Variants in ZC4H2 observed in about 807,000 individuals in gnomAD.
The protein encoded by ZC4H2 is zinc finger C4H2 domain-containing protein.
For synonymous variants in ZC4H2, 84 were observed against 66.3 expected (o/e 1.27, Z -1.30); for missense variants, 137 against 173.9 (o/e 0.79, Z 1.19).
intron 1 of ZC4H2, among the ~76,000 whole-genome samples, chrX:64,964,364 T>G (rs1047677529): frequency 2.7e-5 from 3 of 111,200 alleles, no homozygotes; most frequent in African/African-American, 9.8e-5. Flanking sequence ...TCCAATAGAT[T>G]CATCAAGCTC....
chrX:64,972,203 G>C (rs1482226041), intron 1 of ZC4H2, among the ~76,000 whole-genome samples: 1 of 111,747 alleles, frequency 8.9e-6, no homozygotes, highest in East Asian at 2.8e-4. Context: ...CATAATGTGG[G>C]AGTGTGATTG....
chrX:64,966,860 A>T (rs1272674252), intron 1 of ZC4H2, among the ~76,000 whole-genome samples: 1 of 111,972 alleles, frequency 8.9e-6, no homozygotes, highest in Non-Finnish European at 1.9e-5. Context: ...ATTTTCTAAA[A>T]TATTATGGTG....
At chrX:64,955,065 T>A (rs1931100767) in intron 1 of ZC4H2, among the ~76,000 whole-genome samples, 1 of 111,713 alleles carries the variant, frequency 9.0e-6, no homozygotes, top group Non-Finnish European at 1.9e-5. Context: ...TTCTGTATTC[T>A]GTGACTCATC....
intron 1 of ZC4H2, among the ~76,000 whole-genome samples, chrX:64,936,355 T>A (rs1930012189): frequency 9.0e-6 from 1 of 111,447 alleles, no homozygotes. Context: ...CTCTTCAGGA[T>A]ATTATCCAGG....
intron 1 of ZC4H2, among the ~76,000 whole-genome samples, chrX:64,928,739 CCTT>C (rs1490134635): frequency 2.2e-5 from 2 of 91,787 alleles, no homozygotes; most frequent in African/African-American, 4.2e-5. Flanking sequence ...TTCTTCTTCT[CCTT>C]CTCCTTCTTC....
intron 1 of ZC4H2, among the ~76,000 whole-genome samples, chrX:65,032,289 C>A (rs1339564242): frequency 8.9e-6 from 1 of 112,082 alleles, no homozygotes; most frequent in Non-Finnish European, 1.9e-5. Flanking sequence ...GTGATTAGTT[C>A]AATAAGTGAA....
intron 1 of ZC4H2, among the ~76,000 whole-genome samples, chrX:64,993,595 G>A (rs1932352755): frequency 9.0e-6 from 1 of 111,352 alleles, no homozygotes; most frequent in East Asian, 2.8e-4. Flanking sequence ...CTAGTGCCTC[G>A]ATCTTGGATT....
At chrX:65,006,638 A>C (rs1353351379) in intron 1 of ZC4H2, among the ~76,000 whole-genome samples, 1 of 111,311 alleles carries the variant, frequency 9.0e-6, no homozygotes, top group African/African-American at 3.3e-5. Context: ...CAGCACACCA[A>C]CATGGCACAT....
intron 1 of ZC4H2, among the ~76,000 whole-genome samples, chrX:64,935,788 G>T (rs751721483): frequency 8.1e-5 from 9 of 110,913 alleles, no homozygotes; most frequent in Non-Finnish European, 1.7e-4. Flanking sequence ...TCCACTCAGA[G>T]ACCCCATTCT....
chrX:64,937,094 GAAAAA>G (rs58864488), intron 1 of ZC4H2, among the ~76,000 whole-genome samples: 1 of 97,242 alleles, frequency 1.0e-5, no homozygotes, highest in African/African-American at 3.6e-5. Flanking sequence ...CAAATGGAAA[GAAAAA>G]AAAAAAAGCT....
chrX:64,974,973 CAAAAAAAAAAAA>C (rs58569761), intron 1 of ZC4H2, among the ~76,000 whole-genome samples: 4 of 35,860 alleles, frequency 1.1e-4, no homozygotes, highest in Non-Finnish European at 2.5e-4. Flanking sequence ...ATGCTTTTGC[CAAAAAAAAAAAA>C]AAAAAAAAAA....
At chrX:64,990,283 C>A (rs778467306) in intron 1 of ZC4H2, among the ~76,000 whole-genome samples, 7 of 111,860 alleles carry the variant, frequency 6.3e-5, no homozygotes, top group Middle Eastern at 9.2e-3. Context: ...GGATATGATT[C>A]TATTCATGTA....
chrX:64,917,977 C>T (rs1929011568), intron 4 of ZC4H2, 81 bp from the exon 5 acceptor site: 1 of 1,074,754 alleles, frequency 9.3e-7, no homozygotes, highest in Non-Finnish European at 1.2e-6. Context: ...CCCCAGGGGC[C>T]CAGAAAGCAA....
chrX:64,972,007 C>T (rs1206516292), intron 1 of ZC4H2, among the ~76,000 whole-genome samples: 1 of 110,083 alleles, frequency 9.1e-6, no homozygotes, highest in East Asian at 2.9e-4. Context: ...TTTAATGGTG[C>T]CTGTACTCAC....
At position 65,030,983 on chromosome X, in the gene ZC4H2, G is replaced by A. The variant is rs768453558; in HGVS notation, c.-272+3646C>T. Among the ~76,000 whole-genome samples, 5 of 110,910 alleles carry A rather than the reference G, an allele frequency of 4.5e-5. No individual in the cohort carries two copies. The East Asian group carries it at 1.4e-3, about 31-fold the overall frequency. On this transcript the variant is annotated intron_variant, in intron 1 of 4. Transcript: ENST00000337990. Reference sequence around the variant, plus strand: ...TGTTTATAAATTCCCACTTATAAATGTTACTCCCTCCCTTGTTGGACTCAG... The same window carrying A: ...TGTTTATAAATTCCCACTTATAAATATTACTCCCTCCCTTGTTGGACTCAG...
chrX:65,033,422 T>C (rs1259605132), intron 1 of ZC4H2, among the ~76,000 whole-genome samples: 1 of 111,943 alleles, frequency 8.9e-6, no homozygotes, highest in Non-Finnish European at 1.9e-5. Flanking sequence ...TATGCAGATT[T>C]CTTACCCAGG....
rs1302339698 is a variant in ZC4H2, at chrX:65,008,214, T to G, written c.-272+26415A>C. 4.5e-5 allele frequency among the ~76,000 whole-genome samples: 5 copies of G among 110,911 alleles called. No homozygotes were observed. In the East Asian group the frequency reaches 1.4e-3, roughly 31 times the overall value. ...ACAGCCAACAGATACAAAAAAAAAG[T>G]TCAACATCACTATTTATCAGAGAAA... On this transcript the variant is annotated intron_variant, in intron 1 of 4. Coordinates refer to the ZC4H2 transcript ENST00000337990.
intron 1 of ZC4H2, among the ~76,000 whole-genome samples, chrX:64,922,422 G>T (rs1929244869): frequency 8.9e-6 from 1 of 112,001 alleles, no homozygotes; most frequent in African/African-American, 3.2e-5. Flanking sequence ...TCCAACCTAG[G>T]TGACAGAGCA....
intron 1 of ZC4H2, among the ~76,000 whole-genome samples, chrX:64,949,189 G>T (rs1260688382): frequency 2.7e-5 from 3 of 111,582 alleles, no homozygotes; most frequent in African/African-American, 9.8e-5. Flanking sequence ...GTGAAATTTT[G>T]CTTTCTCTCT....
Sources: allele counts gnomAD v4.1 joint callset (sites outside exome capture counted in the v4.1 genomes callset), GRCh38; gene constraint gnomAD v4.1.1; transcripts MANE v1.5; gene names NCBI Gene and HGNC (gene_info 2026-07-23, HGNC 2026-07-21).